Variants in MYO1B observed in about 807,000 individuals in gnomAD.
MYO1B encodes the protein myosin IB, also known as unconventional myosin-Ib.
Under a neutral mutation model 159.7 loss-of-function variants are expected in MYO1B, and 72 were observed. The observed-to-expected ratio is 0.45, with a 90% CI of 0.37 to 0.55. The LOEUF is 0.55. MYO1B is among the 20% of genes least tolerant of loss of function. The pLI, the probability that MYO1B is intolerant of heterozygous loss-of-function variation, is 0.00. For missense variants in MYO1B, 1,062 were observed against 1,364.8 expected, an observed-to-expected ratio of 0.78 and a Z score of 3.50; for synonymous variants, 468 against 473.8, an observed-to-expected ratio of 0.99 and a Z score of 0.16.
rs76123794 is a variant in MYO1B at position 191,374,955 on chromosome 2, A to G, written c.1185+4663A>G. On this transcript the variant is annotated intron_variant, in intron 13 of 30. Transcript: ENST00000392318. ...TTAAAAAGTAAGTTGAACAATCTAC[A>G]TTGATTTCAGCTCGTTTTCTACATA... is the stretch of plus-strand genomic sequence containing the variant. Among the ~76,000 whole-genome samples, 19 of 152,336 alleles carry G rather than the reference A, an allele frequency of 1.2e-4. No individual in the cohort carries two copies. The East Asian group carries it at 3.5e-3, about 28-fold the overall frequency.
chr2:191,279,359 T>C (rs564208655), intron 2 of MYO1B, among the ~76,000 whole-genome samples: 20 of 152,248 alleles, frequency 1.3e-4, no homozygotes, highest in African/African-American at 4.8e-4. Context: ...GGTTTACGAA[T>C]ATGTACATAT....
At position 191,314,352 on chromosome 2, in the gene MYO1B, A is replaced by G. The variant is rs377142987; in HGVS notation, c.252-15583A>G. ...TCTAATAGTGTTATAGTTGGTTGCT[A>G]TTGCTTACAGAAATAGTTGATATGT... On this transcript the variant is annotated intron_variant, in intron 3 of 30. Transcript: ENST00000392318. Among the ~76,000 whole-genome samples the G allele has an allele frequency of 9.9e-5, 15 of 152,268 alleles. No homozygotes were observed. The South Asian group carries it at 1.7e-3, about 17-fold the overall frequency.
At chr2:191,252,555 T>G (rs1431890727) in intron 1 of MYO1B, among the ~76,000 whole-genome samples, 1 of 152,220 alleles carries the variant, frequency 6.6e-6, no homozygotes, top group Non-Finnish European at 1.5e-5. Flanking sequence ...TATTGGTATT[T>G]TTATTTCAAA....
At chr2:191,310,387 G>GGTTTAGT in intron 3 of MYO1B, among the ~76,000 whole-genome samples, 1 of 152,198 alleles carries the variant, frequency 6.6e-6, no homozygotes, top group Non-Finnish European at 1.5e-5. Context: ...ATTTTTAGTA[G>GGTTTAGT]AGATGGGGTT....
chr2:191,271,211 G>A (rs1687436060), intron 1 of MYO1B, among the ~76,000 whole-genome samples: 1 of 152,308 alleles, frequency 6.6e-6, no homozygotes, highest in Non-Finnish European at 1.5e-5. Context: ...GTTACTATGC[G>A]AAGAAGAATC....
At chr2:191,327,905 G>A (rs911991810) in intron 3 of MYO1B, among the ~76,000 whole-genome samples, 1 of 152,176 alleles carries the variant, frequency 6.6e-6, no homozygotes, top group Non-Finnish European at 1.5e-5. Context: ...TATATGCAAG[G>A]CAGCAGACTC....
At position 191,359,200 on chromosome 2, in the gene MYO1B, G is replaced by A. The variant is rs143239752; in HGVS notation, c.563-1431G>A. ...ATTTAGTCTATCTTGTGCTTTGCAT[G>A]TCAGTTTTTACTTATTAATTGACTG... On this transcript the variant is annotated intron_variant, in intron 7 of 30. Transcript: ENST00000392318. Among the ~76,000 whole-genome samples, 256 of 151,802 alleles carry A rather than the reference G, an allele frequency of 1.7e-3. 1 individual carries two copies. Among genetic ancestry groups the A allele is most frequent in the African/African-American group, 6.1e-3 (251 of 41,432 alleles).
At position 191,296,147 on chromosome 2, in the gene MYO1B, T is replaced by C; in HGVS notation, c.172T>C (p.Tyr58His). ...IGSVVISVNPYRSLPIYSPEK... is the reference protein window; with the variant it reads ...IGSVVISVNPHRSLPIYSPEK... ...AAGTGTGGTTATATCTGTTAACCCA[T>C]ACCGGTCTTTACCCATTTATTCACC... Residue 58 changes from tyrosine (Y) to histidine (H), a missense_variant, in exon 3 of 31, where the codon TAC becomes CAC. Tyr to His is a moderately conservative substitution (Grantham distance 83). Transcript: ENST00000392318. 1 of 1,607,766 alleles carries C rather than the reference T, an allele frequency of 6.2e-7. No homozygotes were observed. Among genetic ancestry groups the C allele is most frequent in the Non-Finnish European group, 8.5e-7 (1 of 1,175,970 alleles).
intron 1 of MYO1B, among the ~76,000 whole-genome samples, chr2:191,254,332 C>G (rs1460297276): frequency 6.6e-6 from 1 of 152,112 alleles, no homozygotes; most frequent in Non-Finnish European, 1.5e-5. Context: ...CCTGCCTCAG[C>G]CTCCCGAGTA....
At chr2:191,314,536 A>G (rs560360481) in intron 3 of MYO1B, among the ~76,000 whole-genome samples, 12 of 152,234 alleles carry the variant, frequency 7.9e-5, no homozygotes, top group Non-Finnish European at 1.6e-4. Flanking sequence ...ATTCATTCAC[A>G]TATTCATCCA....
chr2:191,351,121 C>T (rs1397945506), intron 7 of MYO1B, among the ~76,000 whole-genome samples: 1 of 151,856 alleles, frequency 6.6e-6, no homozygotes, highest in East Asian at 1.9e-4. Flanking sequence ...CTTCTCCTGC[C>T]CTTGCCTGCC....
intron 3 of MYO1B, among the ~76,000 whole-genome samples, chr2:191,316,163 G>A (rs2125878309): frequency 6.6e-6 from 1 of 152,266 alleles, no homozygotes; most frequent in African/African-American, 2.4e-5. Flanking sequence ...GATAATTGGA[G>A]GTTTTATTCT....
chr2:191,304,644 C>T (rs1689537541), intron 3 of MYO1B, among the ~76,000 whole-genome samples: 1 of 152,184 alleles, frequency 6.6e-6, no homozygotes, highest in African/African-American at 2.4e-5. Context: ...GAGACCTCAG[C>T]TAATTTTTCT....
chr2:191,347,025 T>G (rs751408389), intron 6 of MYO1B, among the ~76,000 whole-genome samples: 1 of 152,338 alleles, frequency 6.6e-6, no homozygotes, highest in Non-Finnish European at 1.5e-5. Flanking sequence ...GAAATTGATG[T>G]ATACATTTTT....
chr2:191,418,894 G>C (rs1465557203), intron 30 of MYO1B, among the ~76,000 whole-genome samples: 1 of 152,242 alleles, frequency 6.6e-6, no homozygotes, highest in Non-Finnish European at 1.5e-5. Context: ...GCTGTTCAAT[G>C]TGTAACTAGA....
intron 27 of MYO1B, among the ~76,000 whole-genome samples, chr2:191,412,669 C>T (rs753971344): frequency 5.3e-5 from 8 of 152,204 alleles, no homozygotes; most frequent in Non-Finnish European, 8.8e-5. Flanking sequence ...TTTGTATTTG[C>T]AAATTGCCAG....
At chr2:191,256,311 G>T (rs1438442789) in intron 1 of MYO1B, among the ~76,000 whole-genome samples, 2 of 152,264 alleles carry the variant, frequency 1.3e-5, no homozygotes, top group East Asian at 1.9e-4. Flanking sequence ...TCTCATCTGC[G>T]CAATGTGGGT....
intron 30 of MYO1B, among the ~76,000 whole-genome samples, chr2:191,420,482 T>TA (rs1372490679): frequency 3.3e-5 from 5 of 152,310 alleles, no homozygotes; most frequent in African/African-American, 9.6e-5. Flanking sequence ...TTTCTATTCT[T>TA]ACTAAGTTTA....
chr2:191,301,343 G>T (rs919540328), intron 3 of MYO1B, among the ~76,000 whole-genome samples: 2 of 152,176 alleles, frequency 1.3e-5, no homozygotes, highest in Non-Finnish European at 2.9e-5. Context: ...CATTGATAAG[G>T]AAAGGCTGAG....
Sources: allele counts gnomAD v4.1 joint callset (sites outside exome capture counted in the v4.1 genomes callset), GRCh38; gene constraint gnomAD v4.1.1; transcripts MANE v1.5; gene names NCBI Gene and HGNC (gene_info 2026-07-23, HGNC 2026-07-21).